The following CUL9 variants were observed in gnomAD, a reference collection of about 807,000 sequenced individuals.
CUL9 encodes cullin-9.
CUL9 carries 79 observed loss-of-function variants against 272.6 expected under a neutral mutation model. The ratio of observed to expected loss-of-function variants is 0.29; its 90% CI spans 0.24 to 0.35. The LOEUF is 0.35. Ranked by LOEUF, CUL9 falls within the 10% of genes least tolerant of loss-of-function variation. The probability of loss-of-function intolerance (pLI) is 1.00; values close to 1 mark genes in which losing one functional copy is unlikely to be tolerated. For synonymous variants in CUL9, 1,186 were observed against 1,286.5 expected, an observed-to-expected ratio of 0.92 and a Z score of 1.67; for missense variants, 2,532 against 3,255.6, an observed-to-expected ratio of 0.78 and a Z score of 5.41.
chr6:43,194,913 G>A (rs1773867253), intron 9 of CUL9, among the ~76,000 whole-genome samples: 1 of 152,026 alleles, frequency 6.6e-6, no homozygotes, highest in African/African-American at 2.4e-5. Flanking sequence ...AAATTAGCCG[G>A]GCGTGGTGGT....
rs373442625 is a variant in CUL9 at position 43,193,041 on chromosome 6, C to G, written c.2221C>G (p.Gln741Glu). The G allele has an allele frequency of 6.2e-7, 1 of 1,614,154 alleles. No individual in the cohort carries two copies. Among genetic ancestry groups the G allele is most frequent in the Non-Finnish European group, 8.5e-7 (1 of 1,180,018 alleles). ...VKMLVELLTN[Q>E]VGEKMVVVQA... ...GATGCTGGTGGAGCTGCTGACCAAC[C>G]AGGTGGGAGAGAAGATGGTGGTCGT... The change falls in exon 9 of 41, where the codon CAG becomes GAG. Residue 741 changes from glutamine to glutamate, a missense_variant. Coordinates refer to ENST00000252050, the MANE Select transcript of CUL9 (RefSeq NM_015089.4).
rs58122260 is a variant in CUL9 at position 43,191,252 on chromosome 6, TTGTGTGTGTG to T, written c.2181-1718_2181-1709del. On this transcript the variant is annotated intron_variant, in intron 8 of 40. Coordinates refer to ENST00000252050, the MANE Select transcript of CUL9 (RefSeq NM_015089.4). ...GATAGCCAGGTGTCTCTAAATTGCA[TTGTGTGTGTG>T]TGTGTGTGTGTGTGTGTGTGTGTGT... Among the ~76,000 whole-genome samples, 1,230 of 127,020 alleles carry T rather than the reference TTGTGTGTGTG, an allele frequency of 9.7e-3. 12 individuals are homozygous for T. Among genetic ancestry groups the T allele is most frequent in the Non-Finnish European group, 0.015 (908 of 61,834 alleles). 83.3% of individuals were successfully genotyped at this position (127,020 alleles called of 152,430 possible). A position where few individuals can be genotyped will look rare whatever the true frequency, so the allele number is the denominator to read the frequency against.
In CUL9 at chr6:43,206,176, C is replaced by T; in HGVS notation, c.4963C>T (p.Leu1655Phe). ...GTTCCACCTCTTCCAGCTCCAGCGG[C>T]TCGACAAGTTGTTCTTGGAGCAGGA... ...RQFHLFQLQR[L>F]DKLFLEQEDE... The change falls in exon 25 of 41, where the codon CTC becomes TTC. Residue 1655 changes from leucine (L) to phenylalanine (F), a missense_variant. Transcript: ENST00000252050. This position sits in a 1 kb window ranked among gnomAD's most constrained non-coding sequence, Gnocchi z 4.8. 6.2e-7 allele frequency: 1 copy of T among 1,613,696 alleles called. No individual in the cohort carries two copies. The highest frequency in any genetic ancestry group is 8.5e-7 in the Non-Finnish European group (1 of 1,179,830).
chr6:43,184,584 G>C lies in CUL9; in HGVS notation c.274G>C (p.Glu92Gln). 1 of 1,612,944 alleles carries C rather than the reference G, an allele frequency of 6.2e-7. No homozygotes were observed. Among genetic ancestry groups the C allele is most frequent in the Non-Finnish European group, 8.5e-7 (1 of 1,179,034 alleles). ...GGCACTATCTAAGGGACTTCAGCAC[G>C]AACCAGCTGGGGTTTCAGGAAGCTT... ...ERALSKGLQH[E>Q]PAGVSGSFPR... The change falls in exon 2 of 41, where the codon GAA becomes CAA. Residue 92 changes from glutamate to glutamine, a missense_variant. Glu to Gln is a conservative substitution (Grantham distance 29). Around this residue, in one of 3 missense-constraint regions of CUL9, gnomAD observed 2,218 missense variants for 2,788.6 expected, o/e 0.80. Transcript: ENST00000252050. This position sits in a 1 kb window ranked among gnomAD's most constrained non-coding sequence, Gnocchi z 4.8.
In CUL9 at chr6:43,184,332, G is replaced by T; in HGVS notation, c.22G>T (p.Gly8Trp). 1 of 1,544,200 alleles carries T rather than the reference G, an allele frequency of 6.5e-7. No individual in the cohort carries two copies. Among genetic ancestry groups the T allele is most frequent in the Non-Finnish European group, 8.8e-7 (1 of 1,140,062 alleles). MVGERHA[G>W]DLMVPLGPRL... ...CAGGATGGTGGGGGAACGGCATGCT[G>T]GGGACCTCATGGTGCCCTTAGGGCC... The change falls in exon 2 of 41, where the codon GGG becomes TGG. Residue 8 changes from glycine (G) to tryptophan (W), a missense_variant. Coordinates refer to ENST00000252050, the MANE Select transcript of CUL9 (RefSeq NM_015089.4). This position sits in a 1 kb window ranked among gnomAD's most constrained non-coding sequence, Gnocchi z 4.8.
chr6:43,186,922 T>G, intron 4 of CUL9, 38 bp from the exon 5 acceptor site: 1 of 1,608,610 alleles, frequency 6.2e-7, no homozygotes, highest in East Asian at 2.2e-5. Flanking sequence ...GGGTTGAGCC[T>G]TCTCTATTCT....
In CUL9 at chr6:43,200,830, G is replaced by T. The variant is rs1490440492; in HGVS notation, c.3643G>T (p.Val1215Phe). Residue 1215 changes from valine (V) to phenylalanine (F), a missense_variant, in exon 16 of 41, where the codon GTT becomes TTT. By Grantham distance (50) the Val-to-Phe change is conservative. Transcript: ENST00000252050. This position sits in a 1 kb window ranked among gnomAD's most constrained non-coding sequence, Gnocchi z 4.0. ...ITLHMHRGVL[V>F]RQLTLLVASE... is the part of the protein sequence containing the mutation. ...CCTGCACATGCACCGTGGTGTTCTT[G>T]TTAGGTGTGAACACACATATATGAA... 3.7e-6 allele frequency: 6 copies of T among 1,614,100 alleles called. No individual in the cohort carries two copies. Among genetic ancestry groups the T allele is most frequent in the Non-Finnish European group, 5.1e-6 (6 of 1,180,052 alleles).
At chr6:43,191,566 A>G (rs1258848869) in intron 8 of CUL9, among the ~76,000 whole-genome samples, 1 of 146,716 alleles carries the variant, frequency 6.8e-6, no homozygotes, top group South Asian at 2.1e-4. Context: ...TCTTGGCCTC[A>G]AGCAAGGCCT....
In CUL9 at chr6:43,221,333, G is replaced by T. The variant is rs766243936; in HGVS notation, c.6752+12G>T. 6 of 1,595,726 alleles carry T rather than the reference G, an allele frequency of 3.8e-6. No individual in the cohort carries two copies. In the Admixed American group the frequency reaches 7.1e-5, roughly 19 times the overall value. On this transcript the variant is annotated intron_variant, in intron 34 of 40. Transcript: ENST00000252050. This position sits in a 1 kb window ranked among gnomAD's most constrained non-coding sequence, Gnocchi z 4.2. ...GAGGGGTGCCTGCAGTAAGAAGGGG[G>T]GTACTGTGGGGAGCCAGAGGGCAAG... is the stretch of plus-strand genomic sequence containing the variant.
rs148863964 is a variant in CUL9 at position 43,222,790 on chromosome 6, C to G, written c.7044C>G (p.Tyr2348Ter). The change falls in exon 38 of 41, where the codon TAC (tyrosine) becomes TAG (stop). Residue 2348 changes from tyrosine (Y) to a stop codon, truncating the protein, a stop_gained. Coordinates refer to ENST00000252050, the MANE Select transcript of CUL9 (RefSeq NM_015089.4). LOFTEE classifies it high-confidence loss of function. ...GGGAGCCCCTGCAGGTGCTGGCCTA[C>G]GCCTGCGTGTACAGCTTCTACAGCC... is the stretch of plus-strand genomic sequence containing the variant. The part of the protein sequence containing the change: ...GLEQARKVLA[Y>*]ACVYSFYSQD... 3 of 1,613,774 alleles carry G rather than the reference C, an allele frequency of 1.9e-6. No homozygotes were observed. The highest frequency in any genetic ancestry group is 2.5e-6 in the Non-Finnish European group (3 of 1,179,874).
rs1226527152 is a variant in CUL9 at position 43,220,293 on chromosome 6, TG to T, written c.6283-164del. On this transcript the variant is annotated intron_variant, in intron 31 of 40. Coordinates refer to ENST00000252050, the MANE Select transcript of CUL9 (RefSeq NM_015089.4). This position sits in a 1 kb window ranked among gnomAD's most constrained non-coding sequence, Gnocchi z 4.9. ...TAATTTGGGCCAGTCTCAGCAAAGC[TG>T]GAGAGAGGAGTCAGCATTGGTTGAT... Among the ~76,000 whole-genome samples the T allele has an allele frequency of 1.3e-5, 2 of 152,160 alleles. No homozygotes were observed. Among genetic ancestry groups the T allele is most frequent in the African/African-American group, 2.4e-5 (1 of 41,430 alleles).
chr6:43,212,284 T>C (rs184421376), intron 26 of CUL9, among the ~76,000 whole-genome samples: 2 of 152,352 alleles, frequency 1.3e-5, no homozygotes, highest in Admixed American at 6.5e-5. Flanking sequence ...AGTGTGTCAG[T>C]CTTGTCTATA....
chr6:43,200,387 GTGTTCC>G lies in CUL9; in HGVS notation c.3385-47_3385-42del, dbSNP rs1774412618. 11 of 1,613,790 alleles carry G rather than the reference GTGTTCC, an allele frequency of 6.8e-6. No individual in the cohort carries two copies. The East Asian group carries it at 2.5e-4, about 36-fold the overall frequency. On this transcript the variant is annotated intron_variant, in intron 14 of 40. Coordinates refer to ENST00000252050, the MANE Select transcript of CUL9 (RefSeq NM_015089.4). This position sits in a 1 kb window ranked among gnomAD's most constrained non-coding sequence, Gnocchi z 4.0. ...TCTACCTGTTTCTGGGCATTTCTCT[GTGTTCC>G]TCCCTCTCCTCTTCCTCATTCTCCC...
intron 24 of CUL9, 110 bp from the exon 25 acceptor site, chr6:43,205,897 G>A: frequency 1.2e-6 from 1 of 842,778 alleles, no homozygotes; most frequent in Non-Finnish European, 1.9e-6. Flanking sequence ...AAGAGGTGAG[G>A]TAGGGTATGT....
At chr6:43,207,965 A>C (rs1775175633) in intron 26 of CUL9, among the ~76,000 whole-genome samples, 1 of 152,224 alleles carries the variant, frequency 6.6e-6, no homozygotes, top group Admixed American at 6.5e-5. Context: ...ATCTACCACT[A>C]TGATGGTGAA....
At chr6:43,201,054 C>T (rs971980808) in intron 16 of CUL9, among the ~76,000 whole-genome samples, 1 of 152,236 alleles carries the variant, frequency 6.6e-6, no homozygotes. Context: ...ACAGATGGCA[C>T]TGCCCTGTGC....
chr6:43,196,855 G>A lies in CUL9; in HGVS notation c.2796G>A (p.Glu932=). 1 of 1,613,958 alleles carries A rather than the reference G, an allele frequency of 6.2e-7. No homozygotes were observed. Among genetic ancestry groups the A allele is most frequent in the Non-Finnish European group, 8.5e-7 (1 of 1,179,976 alleles). ...ACTCAGAGCCGCCGGGCAGCCCTGA[G>A]CGTGCAGGTACCATTGTGGAGGGGT... The part of the protein sequence containing the change: ...NRYSEPPGSP[E]RAALETPIIQ... The change falls in exon 11 of 41, where the codon GAG becomes GAA. Residue 932 remains glutamate (E), a synonymous_variant. Transcript: ENST00000252050.
Position 43,218,962 on chromosome 6 carries a change from G to C in CUL9, c.6283-1497G>C, listed in dbSNP as rs1320950794. 1.3e-5 allele frequency among the ~76,000 whole-genome samples: 2 copies of C among 152,144 alleles called. No individual in the cohort carries two copies. Among genetic ancestry groups the C allele is most frequent in the Non-Finnish European group, 2.9e-5 (2 of 68,026 alleles). ...GGAACCAAGCCTGTAAAGATACAGA[G>C]ACGGGGGGTCTCAGGAGTTTGAGAC... On this transcript the variant is annotated intron_variant, in intron 31 of 40. Coordinates refer to ENST00000252050, the MANE Select transcript of CUL9 (RefSeq NM_015089.4). The surrounding 1 kb of genome is among the most constrained non-coding windows in gnomAD (Gnocchi z 4.4).
In CUL9 at chr6:43,222,814, C is replaced by T; in HGVS notation, c.7068C>T (p.Ser2356=). ...LAYACVYSFY[S]QDAEYMDVVE... ...ACGCCTGCGTGTACAGCTTCTACAGCCAGGACGCAGAGTACATGGATGTGG... is the reference window on the plus strand; with the variant it reads ...ACGCCTGCGTGTACAGCTTCTACAGTCAGGACGCAGAGTACATGGATGTGG... Residue 2356 remains serine, a synonymous_variant, in exon 38 of 41, where the codon AGC becomes AGT. Coordinates refer to ENST00000252050, the MANE Select transcript of CUL9 (RefSeq NM_015089.4). 1.2e-6 allele frequency: 2 copies of T among 1,614,104 alleles called. No individual in the cohort carries two copies. Among genetic ancestry groups the T allele is most frequent in the Admixed American group, 1.7e-5 (1 of 60,016 alleles).
Sources: gnomAD v4.1 joint callset for allele counts (sites outside exome capture counted in the v4.1 genomes callset) on GRCh38, gnomAD v4.1.1 for gene constraint, gnomAD v4.1.1 regional missense constraint, Gnocchi (gnomAD v3.1) non-coding constraint, MANE v1.5 for transcripts, NCBI Gene and HGNC (gene_info 2026-07-23, HGNC 2026-07-21) for gene names.